Variants in CCDC171 observed in about 807,000 individuals in gnomAD.
The protein encoded by CCDC171 is coiled-coil domain containing 171.
A neutral mutation model predicts 168.2 loss-of-function variants in CCDC171; 177 were observed. The ratio of observed to expected loss-of-function variants is 1.05; its 90% CI spans 0.93 to 1.19. The LOEUF is 1.19. Ranked by LOEUF, CCDC171 falls within the 50% of genes most tolerant of loss-of-function variation. CCDC171 has a pLI of 0.00. For missense variants in CCDC171, 1,991 were observed against 1,539.0 expected (o/e 1.29, Z -4.91); for synonymous variants, 687 against 540.8 (o/e 1.27, Z -3.75).
intron 7 of CCDC171, among the ~76,000 whole-genome samples, chr9:15,629,109 T>C (rs968937521): frequency 3.0e-4 from 45 of 152,194 alleles, no homozygotes; most frequent in African/African-American, 1.1e-3. Context: ...CTGGAAACTC[T>C]AAAAAGCAGA....
intron 16 of CCDC171, among the ~76,000 whole-genome samples, chr9:15,731,075 T>C (rs1325679181): frequency 6.6e-6 from 1 of 152,098 alleles, no homozygotes; most frequent in East Asian, 1.9e-4. Flanking sequence ...GTTGGGAACA[T>C]TTCAAATCTT....
At chr9:15,659,557 A>G (rs771054319) in intron 8 of CCDC171, among the ~76,000 whole-genome samples, 48 of 152,298 alleles carry the variant, frequency 3.2e-4, no homozygotes, top group Non-Finnish European at 5.4e-4. Context: ...TTCTTATTTC[A>G]TGTTATTTAG....
intron 7 of CCDC171, among the ~76,000 whole-genome samples, chr9:15,652,346 C>T (rs1470969788): frequency 6.6e-6 from 1 of 152,046 alleles, no homozygotes; most frequent in Non-Finnish European, 1.5e-5. Context: ...AATTGACCAC[C>T]CATTCATGAG....
chr9:16,098,346 CATT>C, the CCDC171 span, among the ~76,000 whole-genome samples: 1 of 152,194 alleles, frequency 6.6e-6, no homozygotes. Flanking sequence ...TCATCACCAT[CATT>C]GTTGTCGTCG....
chr9:15,944,816 T>C (rs1305715696), intron 25 of CCDC171, among the ~76,000 whole-genome samples: 1 of 99,610 alleles, frequency 1.0e-5, no homozygotes, highest in Admixed American at 1.2e-4. Context: ...GTAGTTGGGT[T>C]AGAATTCTTT....
At chr9:15,736,045 A>G (rs998195679) in intron 16 of CCDC171, among the ~76,000 whole-genome samples, 7 of 152,054 alleles carry the variant, frequency 4.6e-5, no homozygotes, top group Admixed American at 2.6e-4. Flanking sequence ...TATCATTTCT[A>G]TTTTACAAGC....
At position 15,649,463 on chromosome 9, in the gene CCDC171, C is replaced by G. The variant is rs557515304; in HGVS notation, c.823-7664C>G. On this transcript the variant is annotated intron_variant, in intron 7 of 25. Transcript: ENST00000380701. ...AGCTACCATCAGAGCGAACAGGTAA[C>G]CTACAGAATGGGAGAAAATTTTTGG... Among the ~76,000 whole-genome samples, 3 of 152,238 alleles carry G rather than the reference C, an allele frequency of 2.0e-5. No homozygotes were observed. In the East Asian group the frequency reaches 5.8e-4, roughly 29 times the overall value.
At position 15,777,826 on chromosome 9, in the gene CCDC171, G is replaced by GGTAT. The variant is rs763541871; in HGVS notation, c.2898+5_2898+8dup. 2.5e-6 allele frequency: 4 copies of GGTAT among 1,593,706 alleles called. No homozygotes were observed. Among genetic ancestry groups the GGTAT allele is most frequent in the Non-Finnish European group, 1.7e-6 (2 of 1,170,756 alleles). On this transcript the variant is annotated frameshift_variant and splice_region_variant. Coordinates refer to ENST00000380701, the MANE Select transcript of CCDC171 (RefSeq NM_173550.4). LOFTEE classifies it high-confidence loss of function. ...GTTTGCGTGGCCATGTGCCCATTAC[G>GGTAT]GTATGTATACACTTTCATTTAGTAG...
In CCDC171 at chr9:15,792,157, C is replaced by G. The variant is rs144949588; in HGVS notation, c.3267+7463C>G. On this transcript the variant is annotated intron_variant, in intron 21 of 25. Coordinates refer to ENST00000380701, the MANE Select transcript of CCDC171 (RefSeq NM_173550.4). ...CCTGATGGAGCTGAAAACCATGGCA[C>G]AAGAACTACGTGATGAATGCACAAG... Among the ~76,000 whole-genome samples, 313 of 152,286 alleles carry G rather than the reference C, an allele frequency of 2.1e-3. 1 individual carries two copies. Among genetic ancestry groups the G allele is most frequent in the African/African-American group, 7.1e-3 (296 of 41,554 alleles).
chr9:15,987,126 A>G (rs1832014715), intron 3 of CCDC171, among the ~76,000 whole-genome samples: 1 of 152,182 alleles, frequency 6.6e-6, no homozygotes, highest in African/African-American at 2.4e-5. Flanking sequence ...AACAGAAACT[A>G]TTGAAAAAAA....
Position 15,926,085 on chromosome 9 carries a change from A to G in CCDC171, c.3753+5663A>G, listed in dbSNP as rs556218850. Reference sequence around the variant, plus strand: ...GGCATATAAAAAAATCTGTGGATGCACAAATGAGAGAAGAGTACATTCTAA... The same window carrying G: ...GGCATATAAAAAAATCTGTGGATGCGCAAATGAGAGAAGAGTACATTCTAA... On this transcript the variant is annotated intron_variant, in intron 25 of 25. Transcript: ENST00000380701. 6.6e-5 allele frequency among the ~76,000 whole-genome samples: 10 copies of G among 151,886 alleles called. No individual in the cohort carries two copies. In the East Asian group the frequency reaches 1.9e-3, roughly 29 times the overall value.
At chr9:15,809,256 A>T (rs1222780057) in intron 21 of CCDC171, among the ~76,000 whole-genome samples, 1 of 152,182 alleles carries the variant, frequency 6.6e-6, no homozygotes, top group Non-Finnish European at 1.5e-5. Flanking sequence ...AGTATTTTCA[A>T]TGTATGTAGT....
At chr9:15,929,982 A>G (rs1248987381) in intron 25 of CCDC171, among the ~76,000 whole-genome samples, 1 of 151,658 alleles carries the variant, frequency 6.6e-6, no homozygotes, top group Non-Finnish European at 1.5e-5. Context: ...ATCGTTTGTC[A>G]CTGTATTTAC....
At chr9:15,640,854 TG>T (rs1177154342) in intron 7 of CCDC171, among the ~76,000 whole-genome samples, 4 of 152,280 alleles carry the variant, frequency 2.6e-5, no homozygotes, top group African/African-American at 7.2e-5. Context: ...GCATCTTTTT[TG>T]GTAATAAAAA....
At chr9:15,693,353 G>A (rs2050967142) in intron 10 of CCDC171, among the ~76,000 whole-genome samples, 1 of 152,116 alleles carries the variant, frequency 6.6e-6, no homozygotes, top group South Asian at 2.1e-4. Context: ...TAAAGTCTGT[G>A]TGGATGAATC....
At chr9:15,587,484 T>G in intron 4 of CCDC171, 1 of 364,652 alleles carries the variant, frequency 2.7e-6, no homozygotes, top group South Asian at 2.1e-5. Context: ...TCCCCAGCCA[T>G]GTGAAACTGT....
chr9:15,755,908 A>G (rs1394457329), intron 18 of CCDC171, among the ~76,000 whole-genome samples: 1 of 152,226 alleles, frequency 6.6e-6, no homozygotes, highest in African/African-American at 2.4e-5. Context: ...TGAGTATACT[A>G]CAAAACATTG....
chr9:15,729,762 T>C lies in CCDC171; in HGVS notation c.2013T>C (p.Tyr671=). ...HRQKKELELQ[Y]SELFLEVQKR... is the part of the protein sequence containing the mutation. ...AAAAGAAGGAACTAGAGCTGCAGTA[T>C]TCTGAACTCTTCCTGGAGGTGCAGA... The change falls in exon 16 of 26, where the codon TAT becomes TAC. Residue 671 remains tyrosine (Y), a synonymous_variant. Coordinates refer to ENST00000380701, the MANE Select transcript of CCDC171 (RefSeq NM_173550.4). The C allele has an allele frequency of 6.2e-7, 1 of 1,612,006 alleles. No homozygotes were observed. The highest frequency in any genetic ancestry group is 8.5e-7 in the Non-Finnish European group (1 of 1,178,534).
chr9:15,754,315 G>A (rs2055954631), intron 18 of CCDC171, among the ~76,000 whole-genome samples: 1 of 151,968 alleles, frequency 6.6e-6, no homozygotes, highest in African/African-American at 2.4e-5. Flanking sequence ...TGTGAAACTG[G>A]GCACGTTATT....
Sources: gnomAD v4.1 joint callset for allele counts (sites outside exome capture counted in the v4.1 genomes callset) on GRCh38, gnomAD v4.1.1 for gene constraint, MANE v1.5 for transcripts, NCBI Gene and HGNC (gene_info 2026-07-23, HGNC 2026-07-21) for gene names.